Variants in PDE4C observed in about 807,000 individuals in gnomAD.
PDE4C encodes the protein phosphodiesterase 4C.
PDE4C carries 50 observed loss-of-function variants against 63.9 expected under a neutral mutation model. That is an observed-to-expected ratio of 0.78 (90% CI 0.62 to 0.99). The LOEUF (loss-of-function observed/expected upper bound fraction) is 0.99, where lower values mean the gene tolerates loss of function less well. PDE4C is among the 50% of genes least tolerant of loss of function. The probability of loss-of-function intolerance (pLI) is 0.00; values close to 1 mark genes in which losing one functional copy is unlikely to be tolerated. For synonymous variants in PDE4C, 377 were observed against 385.1 expected (o/e 0.98, Z 0.25); for missense variants, 777 against 899.1 (o/e 0.86, Z 1.74).
At chr19:18,226,500 G>A, upstream of PDE4C, 4 of 1,139,914 alleles carry the variant, frequency 3.5e-6, no homozygotes, top group South Asian at 2.6e-5. Flanking sequence ...CCAGCGGGGA[G>A]GGGGCAAAGG....
intron 1 of PDE4C, chr19:18,224,473 G>T (rs1968639191): frequency 2.0e-6 from 2 of 985,442 alleles, no homozygotes; most frequent in Non-Finnish European, 2.4e-6. Context: ...CCGGGTCTGA[G>T]TTGGGTCTGA....
intron 1 of PDE4C, among the ~76,000 whole-genome samples, chr19:18,240,370 G>A (rs1417481233): frequency 5.5e-5 from 8 of 145,102 alleles, no homozygotes. Flanking sequence ...TGAGACTGCA[G>A]TGAGCTATGA....
At chr19:18,237,631 G>GCA (rs1968974459), upstream of PDE4C, among the ~76,000 whole-genome samples, 1 of 151,702 alleles carries the variant, frequency 6.6e-6, no homozygotes, top group Admixed American at 6.6e-5. Context: ...CCAGCACTTT[G>GCA]GGAGGCTGAG....
At chr19:18,227,691 G>A (rs978078306), upstream of PDE4C, among the ~76,000 whole-genome samples, 1 of 152,156 alleles carries the variant, frequency 6.6e-6, no homozygotes, top group Non-Finnish European at 1.5e-5. Flanking sequence ...AGAGGCCCAG[G>A]GGACCTCCCA....
upstream of PDE4C, among the ~76,000 whole-genome samples, chr19:18,228,232 C>T (rs148839624): frequency 9.8e-3 from 1,482 of 151,992 alleles, 9 homozygotes; most frequent in Middle Eastern, 0.021. Flanking sequence ...AAGGAGAAAC[C>T]GAGGCACAGA....
In PDE4C at chr19:18,220,666, G is replaced by A; in HGVS notation, c.500-151C>T. 1 of 792,358 alleles carries A rather than the reference G, an allele frequency of 1.3e-6. No homozygotes were observed. Among genetic ancestry groups the A allele is most frequent in the Non-Finnish European group, 2.0e-6 (1 of 488,890 alleles). 49.1% of individuals were successfully genotyped at this position (792,358 alleles called of 1,614,324 possible). A position where few individuals can be genotyped will look rare whatever the true frequency, so the allele number is the denominator to read the frequency against. On this transcript the variant is annotated intron_variant, in intron 5 of 14. Transcript: ENST00000262805. The surrounding 1 kb of genome is among the most constrained non-coding windows in gnomAD (Gnocchi z 5.1). The stretch of plus-strand genomic sequence containing the variant: ...CCCAAGTTCCAGATCTGTTCCCCGA[G>A]TGCCTGTGTGACCATGAGATCTCTG...
At chr19:18,242,380 G>A (rs1489878130) in intron 1 of PDE4C, among the ~76,000 whole-genome samples, 1 of 148,450 alleles carries the variant, frequency 6.7e-6, no homozygotes, top group Admixed American at 6.9e-5. Flanking sequence ...GTAGGCTGAG[G>A]GAAGATAATT....
chr19:18,219,389 T>C, exon 8 of PDE4C: 1 of 1,602,442 alleles, frequency 6.2e-7, no homozygotes, highest in Non-Finnish European at 8.5e-7. Context: ...TCCACCTCGG[T>C]CTGCTGGTCT....
chr19:18,222,352 C>A, intron 1 of PDE4C, 29 bp from the exon 2 acceptor site: 3 of 1,590,818 alleles, frequency 1.9e-6, no homozygotes, highest in Non-Finnish European at 2.6e-6. Context: ...TGGTCAGAGA[C>A]GAGGGTCATG....
At chr19:18,219,327 A>T in exon 8 of PDE4C, 1 of 1,614,100 alleles carries the variant, frequency 6.2e-7, no homozygotes, top group South Asian at 1.1e-5. Flanking sequence ...CATGTAGGCC[A>T]CTGATCCGGG....
intron 1 of PDE4C, among the ~76,000 whole-genome samples, chr19:18,222,845 G>C (rs1310729840): frequency 6.6e-6 from 1 of 151,020 alleles, no homozygotes; most frequent in Admixed American, 6.6e-5. Flanking sequence ...GACTACAGGA[G>C]CATGCCCCAA....
chr19:18,226,211 C>A, intron 1 of PDE4C, 59 bp downstream of exon 1: 6 of 1,416,492 alleles, frequency 4.2e-6, no homozygotes, highest in Non-Finnish European at 5.8e-6. Context: ...TGTCCCTGCC[C>A]TTCCCACCTC....
rs1178042915 is a variant in PDE4C, at chr19:18,221,038, G to T, written c.449+67C>A. 9 of 933,674 alleles carry T rather than the reference G, an allele frequency of 9.6e-6. 1 individual carries two copies. The highest frequency in any genetic ancestry group is 1.3e-5 in the Non-Finnish European group (9 of 688,352). The allele number at this position is 933,674 out of a possible 1,614,324, so 57.8% of individuals were successfully genotyped here. On this transcript the variant is annotated intron_variant, in intron 4 of 14. Transcript: ENST00000262805. ...GGCGCCGGAGCCCCAGCCTCAATTTGCAGCCCGCTTTCCGCCCACCTTGTC... is the reference window on the plus strand; with the variant it reads ...GGCGCCGGAGCCCCAGCCTCAATTTTCAGCCCGCTTTCCGCCCACCTTGTC...
intron 1 of PDE4C, among the ~76,000 whole-genome samples, chr19:18,245,428 G>A (rs1273761939): frequency 1.3e-5 from 2 of 152,020 alleles, no homozygotes; most frequent in East Asian, 3.9e-4. Flanking sequence ...GCCTCCCAAA[G>A]TGCTGGGATT....
At chr19:18,215,795 G>A (rs1968165443) in intron 12 of PDE4C, among the ~76,000 whole-genome samples, 1 of 151,148 alleles carries the variant, frequency 6.6e-6, no homozygotes, top group African/African-American at 2.4e-5. Context: ...CTACAGGCCT[G>A]AGCCACCGTG....
At chr19:18,231,228 T>C (rs930865215), upstream of PDE4C, among the ~76,000 whole-genome samples, 1 of 152,206 alleles carries the variant, frequency 6.6e-6, no homozygotes, top group Non-Finnish European at 1.5e-5. Context: ...GCCACATGCA[T>C]GCTCATCCAC....
chr19:18,248,893 C>CA (rs200969052), upstream of PDE4C, among the ~76,000 whole-genome samples: 2,775 of 151,940 alleles, frequency 0.018, 100 homozygotes, highest in African/African-American at 0.063. Context: ...AGTGTGGTGG[C>CA]AGGTGCCTGT....
chr19:18,230,224 G>C (rs755474849), upstream of PDE4C, among the ~76,000 whole-genome samples: 1 of 152,192 alleles, frequency 6.6e-6, no homozygotes, highest in African/African-American at 2.4e-5. Flanking sequence ...TGCTTGTAGC[G>C]GCTGGGTGTG....
At chr19:18,226,367 G>A (rs772724368) in exon 1 of PDE4C, 2 of 1,496,866 alleles carry the variant, frequency 1.3e-6, no homozygotes, top group Admixed American at 2.3e-5. Flanking sequence ...GGGGATCCCC[G>A]AGGGGAGCCG....
Sources: gnomAD v4.1 joint callset for allele counts (sites outside exome capture counted in the v4.1 genomes callset) on GRCh38, gnomAD v4.1.1 for gene constraint, Gnocchi (gnomAD v3.1) non-coding constraint, MANE v1.5 for transcripts, NCBI Gene and HGNC (gene_info 2026-07-23, HGNC 2026-07-21) for gene names.